Variants in UACA observed in about 807,000 individuals in gnomAD.
The protein encoded by UACA is nuclear membrane binding protein.
In UACA, 112 loss-of-function variants were observed where a neutral mutation model predicts 160.5. The observed-to-expected ratio is 0.70, with a 90% CI of 0.60 to 0.82. UACA has a LOEUF of 0.82. Ranked by LOEUF, UACA falls within the 40% of genes least tolerant of loss-of-function variation. UACA has a pLI of 0.00. For synonymous variants in UACA, 557 were observed against 568.4 expected (o/e 0.98, Z 0.29); for missense variants, 1,574 against 1,614.6 (o/e 0.97, Z 0.43).
chr15:70,735,679 T>C (rs1899343224), intron 1 of UACA, among the ~76,000 whole-genome samples: 1 of 151,988 alleles, frequency 6.6e-6, no homozygotes, highest in African/African-American at 2.4e-5. Flanking sequence ...ACAATGTATT[T>C]TTGTTTGTTT....
the UACA span, among the ~76,000 whole-genome samples, chr15:70,776,489 G>A: frequency 2.0e-5 from 3 of 149,052 alleles, no homozygotes; most frequent in Non-Finnish European, 3.0e-5. Context: ...GTGCAGTGGC[G>A]TGATCTCAGC....
In UACA at chr15:70,669,349, C is replaced by T. The variant is rs1386536409; in HGVS notation, c.1335G>A (p.Glu445=). ...SYSENEILKK[E]LEAMRTFCES... ...CACAGAAAGTTCGCATTGCTTCTAACTCTTTCTTTAAAATTTCATTTTCAG... is the reference window on the plus strand; with the variant it reads ...CACAGAAAGTTCGCATTGCTTCTAATTCTTTCTTTAAAATTTCATTTTCAG... The change falls in exon 16 of 19, where the codon GAG becomes GAA. Residue 445 remains glutamate (E), a synonymous_variant. Coordinates refer to ENST00000322954, the MANE Select transcript of UACA (RefSeq NM_018003.4). The T allele has an allele frequency of 6.2e-7, 1 of 1,613,792 alleles. No homozygotes were observed. The highest frequency in any genetic ancestry group is 8.5e-7 in the Non-Finnish European group (1 of 1,179,960).
intron 18 of UACA, among the ~76,000 whole-genome samples, chr15:70,658,125 A>G (rs1896549989): frequency 6.6e-6 from 1 of 152,076 alleles, no homozygotes; most frequent in South Asian, 2.1e-4. Flanking sequence ...GATTTAAAAA[A>G]CCCATATTTA....
At chr15:70,682,628 C>A (rs1897550949) in intron 9 of UACA, 130 bp downstream of exon 9, 1 of 458,510 alleles carries the variant, frequency 2.2e-6, no homozygotes, top group Non-Finnish European at 3.7e-6. Context: ...TCTACACGGG[C>A]TTGATTAACT....
chr15:70,701,966 T>C (rs1430690620), intron 1 of UACA: 2 of 1,606,436 alleles, frequency 1.2e-6, no homozygotes. Context: ...TGCATTAAGT[T>C]ACAAATCTCT....
In UACA at chr15:70,655,662, T is replaced by G. The variant is rs949860297; in HGVS notation, c.*1394A>C. 1 of 152,220 alleles carries G rather than the reference T, an allele frequency of 6.6e-6. No homozygotes were observed. Among genetic ancestry groups the G allele is most frequent in the African/African-American group, 2.4e-5 (1 of 41,446 alleles). The allele number at this position is 152,220 out of a possible 1,614,324, so 9.4% of individuals were successfully genotyped here. On this transcript the variant is annotated 3_prime_UTR_variant, in exon 19 of 19. Coordinates refer to ENST00000322954, the MANE Select transcript of UACA (RefSeq NM_018003.4). ...TTGCTTATGTAAACCGTATAAAGAA[T>G]TAAAAACAAATCCAATTCTGACTTT... is the stretch of plus-strand genomic sequence containing the variant.
chr15:70,669,351 C>G lies in UACA; in HGVS notation c.1333G>C (p.Glu445Gln). 6.2e-7 allele frequency: 1 copy of G among 1,613,876 alleles called. No homozygotes were observed. Among genetic ancestry groups the G allele is most frequent in the Non-Finnish European group, 8.5e-7 (1 of 1,179,914 alleles). ...SYSENEILKK[E>Q]LEAMRTFCES... ...CAGAAAGTTCGCATTGCTTCTAACTCTTTCTTTAAAATTTCATTTTCAGAG... is the reference window on the plus strand; with the variant it reads ...CAGAAAGTTCGCATTGCTTCTAACTGTTTCTTTAAAATTTCATTTTCAGAG... The change falls in exon 16 of 19, where the codon GAG becomes CAG. Residue 445 changes from glutamate (E) to glutamine (Q), a missense_variant. Coordinates refer to ENST00000322954, the MANE Select transcript of UACA (RefSeq NM_018003.4).
chr15:70,767,045 C>T (rs1220138350), upstream of UACA, among the ~76,000 whole-genome samples: 3 of 150,958 alleles, frequency 2.0e-5, no homozygotes, highest in African/African-American at 7.3e-5. Flanking sequence ...TCGAGACAAT[C>T]CTGGCTAATA....
At position 70,718,323 on chromosome 15, in the gene UACA, A is replaced by AATGT. The variant is rs1898886048; in HGVS notation, c.79-18667_79-18664dup. On this transcript the variant is annotated intron_variant, in intron 1 of 18. Transcript: ENST00000322954. ...GAGAGGGAGAGGGAGAGAGAGAGAG[A>AATGT]ATGTGTGTGTGTGTGTGTGTGTGTG... is the stretch of plus-strand genomic sequence containing the variant. Among the ~76,000 whole-genome samples, 6 of 15,608 alleles carry AATGT rather than the reference A, an allele frequency of 3.8e-4. No individual in the cohort carries two copies. In the Admixed American group the frequency reaches 4.8e-3, roughly 12 times the overall value. 10.2% of individuals were successfully genotyped at this position (15,608 alleles called of 152,430 possible). A position where few individuals can be genotyped will look rare whatever the true frequency, so the allele number is the denominator to read the frequency against.
chr15:70,718,259 GGGAGGGGGA>G (rs1898879114), intron 1 of UACA, among the ~76,000 whole-genome samples: 1 of 147,914 alleles, frequency 6.8e-6, no homozygotes, highest in African/African-American at 2.5e-5. Context: ...ACGGGGGGGA[GGGAGGGGGA>G]GGAGGGGGAG....
chr15:70,680,726 C>T (rs760125260), intron 9 of UACA, among the ~76,000 whole-genome samples: 17 of 152,122 alleles, frequency 1.1e-4, no homozygotes, highest in Non-Finnish European at 1.9e-4. Context: ...CTAAATCAAC[C>T]GCATCCTTTA....
intron 1 of UACA, chr15:70,701,785 A>C (rs1389832624): frequency 2.4e-6 from 3 of 1,255,906 alleles, no homozygotes; most frequent in Non-Finnish European, 3.3e-6. Flanking sequence ...AAAGCAAACC[A>C]AATTAATAAA....
At chr15:70,763,986 T>A (rs1405005870), upstream of UACA, among the ~76,000 whole-genome samples, 2 of 152,260 alleles carry the variant, frequency 1.3e-5, no homozygotes, top group African/African-American at 4.8e-5. Flanking sequence ...CAACTTCTTT[T>A]CAGTCTCCTG....
At position 70,669,067 on chromosome 15, in the gene UACA, G is replaced by C. The variant is rs745363839; in HGVS notation, c.1617C>G (p.Thr539=). The change falls in exon 16 of 19, where the codon ACC becomes ACG. Residue 539 remains threonine (T), a synonymous_variant. Coordinates refer to ENST00000322954, the MANE Select transcript of UACA (RefSeq NM_018003.4). ...CTTTCAACTGATCCTTCAGTTCCTC[G>C]GTTAGTCTGTGATTCCCTGAGGCTG... ...SEAASGNHRL[T]EELKDQLKDL... The C allele has an allele frequency of 6.2e-7, 1 of 1,613,830 alleles. No individual in the cohort carries two copies. Among genetic ancestry groups the C allele is most frequent in the Admixed American group, 1.7e-5 (1 of 59,990 alleles).
At chr15:70,750,476 G>A (rs144779654) in intron 1 of UACA, among the ~76,000 whole-genome samples, 1 of 152,076 alleles carries the variant, frequency 6.6e-6, no homozygotes, top group Non-Finnish European at 1.5e-5. Flanking sequence ...TGAGCTCCGT[G>A]ATATTTCCTC....
chr15:70,772,219 C>T, the UACA span, among the ~76,000 whole-genome samples: 30 of 152,108 alleles, frequency 2.0e-4, no homozygotes, highest in South Asian at 3.5e-3. Context: ...GAATCTAGGG[C>T]GCGGTGGCTC....
intron 17 of UACA, chr15:70,660,863 T>C (rs192710345): frequency 4.6e-5 from 7 of 152,320 alleles, no homozygotes; most frequent in African/African-American, 1.7e-4. Flanking sequence ...TTATAATTGT[T>C]CTATTTTATT....
chr15:70,703,495 C>T (rs1898436711), intron 1 of UACA, among the ~76,000 whole-genome samples: 1 of 152,096 alleles, frequency 6.6e-6, no homozygotes. Context: ...CCCCAAACCA[C>T]GAGATATCAC....
Position 70,656,185 on chromosome 15 carries a change from T to C in UACA, c.*871A>G, listed in dbSNP as rs1896469667. 6.6e-6 allele frequency: 1 copy of C among 152,190 alleles called. No individual in the cohort carries two copies. The highest frequency in any genetic ancestry group is 2.4e-5 in the African/African-American group (1 of 41,452). The allele number at this position is 152,190 out of a possible 1,614,324, so 9.4% of individuals were successfully genotyped here. On this transcript the variant is annotated 3_prime_UTR_variant, in exon 19 of 19. Transcript: ENST00000322954. ...TAATCTCATTAATATAACTTTCCTA[T>C]AAATAAGCATGAAACATTTGGAGGA...
Sources: allele counts gnomAD v4.1 joint callset (sites outside exome capture counted in the v4.1 genomes callset), GRCh38; gene constraint gnomAD v4.1.1; transcripts MANE v1.5; gene names NCBI Gene and HGNC (gene_info 2026-07-23, HGNC 2026-07-21).